Variants in TDP1 observed in about 807,000 individuals in gnomAD.
TDP1 encodes tyr-DNA phosphodiesterase 1.
Under a neutral mutation model 81.5 loss-of-function variants are expected in TDP1, and 64 were observed. The observed-to-expected ratio is 0.79, with a 90% CI of 0.64 to 0.97. The LOEUF (loss-of-function observed/expected upper bound fraction) is 0.97, where lower values mean the gene tolerates loss of function less well. TDP1 is among the 50% of genes least tolerant of loss of function. The pLI is 0.00. For missense variants in TDP1, 723 were observed against 743.8 expected, an observed-to-expected ratio of 0.97 and a Z score of 0.33; for synonymous variants, 256 against 264.3, an observed-to-expected ratio of 0.97 and a Z score of 0.30.
At chr14:89,990,064 A>G (rs992354886) in intron 12 of TDP1, among the ~76,000 whole-genome samples, 1 of 152,138 alleles carries the variant, frequency 6.6e-6, no homozygotes, top group East Asian at 1.9e-4. Context: ...TTACTCTTCA[A>G]TGCGTTTTCA....
In TDP1 at chr14:90,012,836, AG is replaced by A. The variant is rs746699387; in HGVS notation, c.1542-6474del. ...TGCCGGCCCCTGAAAGCAGCCAAGA[AG>A]GGGGGCTATGCCCTGCAAAGCTACA... On this transcript the variant is annotated intron_variant, in intron 14 of 16. Coordinates refer to ENST00000335725, the MANE Select transcript of TDP1 (RefSeq NM_018319.4). Among the ~76,000 whole-genome samples the A allele has an allele frequency of 2.6e-5, 4 of 152,246 alleles. No homozygotes were observed. The East Asian group carries it at 5.8e-4, about 22-fold the overall frequency.
Position 89,984,463 on chromosome 14 carries a change from T to G in TDP1, c.885-53T>G. 3 of 1,609,568 alleles carry G rather than the reference T, an allele frequency of 1.9e-6. No individual in the cohort carries two copies. The South Asian group carries it at 3.3e-5, about 18-fold the overall frequency. ...GATGAAGGCATAATCGATACAGAGA[T>G]CATTATGATCAGTTGTGTGCCTGAC... is the stretch of plus-strand genomic sequence containing the variant. On this transcript the variant is annotated intron_variant, in intron 8 of 16. Coordinates refer to ENST00000335725, the MANE Select transcript of TDP1 (RefSeq NM_018319.4).
At chr14:89,968,369 C>A (rs1247821594) in intron 5 of TDP1, among the ~76,000 whole-genome samples, 2 of 152,146 alleles carry the variant, frequency 1.3e-5, no homozygotes, top group Non-Finnish European at 2.9e-5. Flanking sequence ...TATGTGACTT[C>A]AGTTTTCAGA....
At chr14:90,026,509 G>T (rs886082221) in intron 15 of TDP1, among the ~76,000 whole-genome samples, 2 of 152,042 alleles carry the variant, frequency 1.3e-5, no homozygotes, top group South Asian at 4.1e-4. Context: ...TGTGCACAAC[G>T]TGCAGGTTTG....
At chr14:89,997,278 G>T (rs138272687) in intron 14 of TDP1, among the ~76,000 whole-genome samples, 3 of 152,198 alleles carry the variant, frequency 2.0e-5, no homozygotes, top group African/African-American at 7.2e-5. Context: ...CTGGCCAGGT[G>T]CCTGACATGT....
intron 9 of TDP1, 141 bp from the exon 10 acceptor site, chr14:89,984,991 A>C: frequency 1.4e-6 from 2 of 1,386,808 alleles, no homozygotes; most frequent in Non-Finnish European, 1.9e-6. Flanking sequence ...TTGAAAATGA[A>C]TTTGAGAGTC....
In TDP1 at chr14:90,025,780, G is replaced by T. The variant is rs34984936; in HGVS notation, c.1644+6362G>T. Among the ~76,000 whole-genome samples the T allele has an allele frequency of 3.1e-3, 475 of 152,256 alleles. 1 individual carries two copies. The highest frequency in any genetic ancestry group is 6.3e-3 in the Admixed American group (96 of 15,300). ...CAGTAGCTGTATTCCAAACCCAAAGGCCTCTGTGAATATATCAGGGAGGTA... is the reference window on the plus strand; with the variant it reads ...CAGTAGCTGTATTCCAAACCCAAAGTCCTCTGTGAATATATCAGGGAGGTA... On this transcript the variant is annotated intron_variant, in intron 15 of 16. Transcript: ENST00000335725.
intron 16 of TDP1, among the ~76,000 whole-genome samples, chr14:90,042,245 C>T (rs981871204): frequency 5.3e-5 from 8 of 152,212 alleles, no homozygotes; most frequent in Admixed American, 3.3e-4. Context: ...CTGAGAGCTG[C>T]ACCTGTGGCT....
intron 15 of TDP1, among the ~76,000 whole-genome samples, chr14:90,026,558 C>T (rs1886679418): frequency 6.6e-6 from 1 of 152,232 alleles, no homozygotes; most frequent in Admixed American, 6.5e-5. Context: ...TGTGCTGCAC[C>T]CATTAACTCA....
rs34501614 is a variant in TDP1, at chr14:89,989,444, A to G, written c.1318-273A>G. 17 of 980,806 alleles carry G rather than the reference A, an allele frequency of 1.7e-5. No homozygotes were observed. In the Admixed American group the frequency reaches 3.1e-4, roughly 18 times the overall value. 60.8% of individuals were successfully genotyped at this position (980,806 alleles called of 1,614,324 possible). ...TATGGGCATTTTAATTATTTAGAGA[A>G]CTGTGAATTAATAATTAATTTTCCA... On this transcript the variant is annotated intron_variant, in intron 11 of 16. Transcript: ENST00000335725.
Position 90,030,217 on chromosome 14 carries a change from T to TC in TDP1, c.1645-2884dup, listed in dbSNP as rs1214243568. 2.0e-5 allele frequency among the ~76,000 whole-genome samples: 3 copies of TC among 152,168 alleles called. No homozygotes were observed. In the East Asian group the frequency reaches 5.8e-4, roughly 29 times the overall value. On this transcript the variant is annotated intron_variant, in intron 15 of 16. Coordinates refer to ENST00000335725, the MANE Select transcript of TDP1 (RefSeq NM_018319.4). ...CTGCCTGCCCTCCGTGTCTTCCCTG[T>TC]CCCCCTCCTCTGTGTCTTCCCTGTC...
chr14:89,970,985 G>A (rs1893563794), intron 5 of TDP1, 190 bp from the exon 6 acceptor site: 1 of 175,690 alleles, frequency 5.7e-6, no homozygotes, highest in South Asian at 1.9e-4. Flanking sequence ...TTACAGGCAC[G>A]CACAACCATG....
At chr14:90,011,605 TA>T (rs2140227210) in intron 14 of TDP1, among the ~76,000 whole-genome samples, 1 of 152,340 alleles carries the variant, frequency 6.6e-6, no homozygotes, top group South Asian at 2.1e-4. Context: ...GGACTCTTCC[TA>T]TGTTTTATCA....
rs183306759 is a variant in TDP1, at chr14:90,018,333, A to G, written c.1542-983A>G. Among the ~76,000 whole-genome samples the G allele has an allele frequency of 1.5e-3, 227 of 152,326 alleles. 1 individual carries two copies. Among genetic ancestry groups the G allele is most frequent in the African/African-American group, 5.1e-3 (214 of 41,568 alleles). ...GTGGGTTTATGTTAGTCTCTGCCACATTCGCTTATAAAAAGAGTCTCTGAA... is the reference window on the plus strand; with the variant it reads ...GTGGGTTTATGTTAGTCTCTGCCACGTTCGCTTATAAAAAGAGTCTCTGAA... On this transcript the variant is annotated intron_variant, in intron 14 of 16. Coordinates refer to ENST00000335725, the MANE Select transcript of TDP1 (RefSeq NM_018319.4).
At chr14:90,038,659 G>A (rs1888056611) in intron 16 of TDP1, among the ~76,000 whole-genome samples, 1 of 152,242 alleles carries the variant, frequency 6.6e-6, no homozygotes, top group Non-Finnish European at 1.5e-5. Flanking sequence ...CCAACATGGT[G>A]AAACCCTGTC....
chr14:89,992,099 C>G, intron 13 of TDP1, 116 bp downstream of exon 13: 2 of 843,074 alleles, frequency 2.4e-6, no homozygotes, highest in South Asian at 3.3e-5. Flanking sequence ...TATATTCTTT[C>G]ATCTACATAT....
At chr14:90,031,127 CTTTAAG>C (rs1344750365) in intron 15 of TDP1, among the ~76,000 whole-genome samples, 1 of 150,550 alleles carries the variant, frequency 6.6e-6, no homozygotes, top group African/African-American at 2.5e-5. Context: ...TATTATTATA[CTTTAAG>C]TTTTAGGGTA....
chr14:90,032,752 T>C, intron 15 of TDP1: 1 of 985,396 alleles, frequency 1.0e-6, no homozygotes, highest in South Asian at 4.7e-5. Context: ...TATTTTGAGG[T>C]ATTTTTATAC....
chr14:89,991,484 T>C (rs1304227058), intron 12 of TDP1: 1 of 832,370 alleles, frequency 1.2e-6, no homozygotes, highest in African/African-American at 1.8e-5. Flanking sequence ...GAATTGTAAA[T>C]AGTCCTTACA....
Sources: allele counts gnomAD v4.1 joint callset (sites outside exome capture counted in the v4.1 genomes callset), GRCh38; gene constraint gnomAD v4.1.1; transcripts MANE v1.5; gene names NCBI Gene and HGNC (gene_info 2026-07-23, HGNC 2026-07-21).